The following HSD17B4 variants were observed in gnomAD, a reference collection of about 807,000 sequenced individuals.
The protein encoded by HSD17B4 is hydroxysteroid 17-beta dehydrogenase 4, also known as peroxisomal multifunctional enzyme type 2.
Under a neutral mutation model 101.0 loss-of-function variants are expected in HSD17B4, and 70 were observed. The observed-to-expected ratio is 0.69, with a 90% CI of 0.57 to 0.85. HSD17B4 has a LOEUF of 0.85. Ranked by LOEUF, HSD17B4 falls within the 40% of genes least tolerant of loss-of-function variation. The pLI, the probability that HSD17B4 is intolerant of heterozygous loss-of-function variation, is 0.00. For synonymous variants in HSD17B4, 347 were observed against 297.1 expected, an observed-to-expected ratio of 1.17 and a Z score of -1.73; for missense variants, 984 against 892.4, an observed-to-expected ratio of 1.10 and a Z score of -1.31.
chr5:119,469,302 T>G (rs1430709577), intron 2 of HSD17B4, among the ~76,000 whole-genome samples: 1 of 140,114 alleles, frequency 7.1e-6, no homozygotes, highest in African/African-American at 2.7e-5. Flanking sequence ...TCCATGTTTC[T>G]TTTTTTTTTT....
chr5:119,478,009 T>C (rs140741207), intron 7 of HSD17B4: 126 of 170,428 alleles, frequency 7.4e-4, no homozygotes, highest in Non-Finnish European at 1.4e-3. Context: ...TGCCTTAGTT[T>C]CTGGCATTTT....
intron 1 of HSD17B4, 33 bp from the exon 2 acceptor site, chr5:119,456,282 C>T: frequency 6.5e-7 from 1 of 1,539,980 alleles, no homozygotes; most frequent in African/African-American, 1.4e-5. Context: ...GCTGACATTT[C>T]TTCAACTTTC....
chr5:119,513,320 A>G (rs1258458310), intron 16 of HSD17B4, among the ~76,000 whole-genome samples: 4 of 152,224 alleles, frequency 2.6e-5, no homozygotes, highest in African/African-American at 9.6e-5. Flanking sequence ...GTCTGAGGCT[A>G]TATTAGATGA....
chr5:119,507,159 G>C (rs1751728624), intron 15 of HSD17B4, among the ~76,000 whole-genome samples: 1 of 152,200 alleles, frequency 6.6e-6, no homozygotes, highest in Admixed American at 6.5e-5. Context: ...GGCTTGTATT[G>C]ATAATGTAGA....
intron 2 of HSD17B4, among the ~76,000 whole-genome samples, chr5:119,462,175 C>G (rs1174630419): frequency 6.9e-6 from 1 of 145,726 alleles, no homozygotes; most frequent in South Asian, 2.1e-4. Context: ...CCATTTTTTG[C>G]TACCTATTTG....
intron 9 of HSD17B4, among the ~76,000 whole-genome samples, chr5:119,490,921 A>G (rs1490524029): frequency 1.3e-5 from 2 of 152,168 alleles, no homozygotes; most frequent in East Asian, 3.8e-4. Flanking sequence ...AATGCTGCAG[A>G]TGAAGTTTTG....
intron 2 of HSD17B4, among the ~76,000 whole-genome samples, chr5:119,467,264 T>C (rs924027663): frequency 1.3e-5 from 2 of 152,228 alleles, no homozygotes; most frequent in African/African-American, 4.8e-5. Context: ...TTAACTTCTA[T>C]TAGGACCATT....
At chr5:119,489,013 A>G (rs1749852952) in intron 8 of HSD17B4, among the ~76,000 whole-genome samples, 179 bp from the exon 9 acceptor site, 1 of 152,196 alleles carries the variant, frequency 6.6e-6, no homozygotes, top group Non-Finnish European at 1.5e-5. Context: ...AGAGCCCTTT[A>G]GAAATGGCTC....
chr5:119,536,958 G>C (rs924003398), intron 23 of HSD17B4, among the ~76,000 whole-genome samples: 1 of 152,100 alleles, frequency 6.6e-6, no homozygotes, highest in Non-Finnish European at 1.5e-5. Flanking sequence ...GGAAAATCAT[G>C]ATTAACAGAA....
chr5:119,456,229 T>C, intron 1 of HSD17B4, 86 bp from the exon 2 acceptor site: 1 of 840,666 alleles, frequency 1.2e-6, no homozygotes, highest in Non-Finnish European at 2.1e-6. Flanking sequence ...TGTTCACCAA[T>C]TTCTTTAAAT....
chr5:119,506,262 C>T (rs550393039), intron 14 of HSD17B4, among the ~76,000 whole-genome samples: 44 of 152,210 alleles, frequency 2.9e-4, no homozygotes, highest in Middle Eastern at 3.4e-3. Context: ...TGAGAACGTG[C>T]GTTGTTTGAT....
chr5:119,468,248 C>G (rs1307776394), intron 2 of HSD17B4, among the ~76,000 whole-genome samples: 4 of 152,074 alleles, frequency 2.6e-5, no homozygotes, highest in Admixed American at 6.5e-5. Context: ...GTAGTTCATC[C>G]TTTCACTTTC....
chr5:119,452,521 A>C lies in HSD17B4; in HGVS notation c.-55A>C, dbSNP rs1484826336. The C allele has an allele frequency of 5.0e-6, 8 of 1,613,142 alleles. No individual in the cohort carries two copies. The highest frequency in any genetic ancestry group is 4.5e-5 in the East Asian group (2 of 44,850). ...CATTCCCCGCCTCCTCCTGTCCCGC[A>C]GTCGGCGTCCAGCGGCTCTGCTTGT... On this transcript the variant is annotated 5_prime_UTR_variant, in exon 1 of 24. Coordinates refer to ENST00000510025, the MANE Select transcript of HSD17B4 (RefSeq NM_000414.4).
intron 2 of HSD17B4, chr5:119,471,781 G>T: frequency 1.4e-6 from 1 of 733,288 alleles, no homozygotes; most frequent in Non-Finnish European, 2.2e-6. Flanking sequence ...ATGTTATTTT[G>T]TAAATTTTTT....
chr5:119,486,385 T>C (rs1351852830), intron 8 of HSD17B4, among the ~76,000 whole-genome samples: 1 of 152,126 alleles, frequency 6.6e-6, no homozygotes, highest in African/African-American at 2.4e-5. Context: ...TTTCCATAAC[T>C]TGTGTCTATT....
intron 10 of HSD17B4, 105 bp from the exon 11 acceptor site, chr5:119,493,713 T>G: frequency 9.0e-7 from 1 of 1,108,336 alleles, no homozygotes; most frequent in South Asian, 1.3e-5. Flanking sequence ...AGAATCCCTT[T>G]TTTTCTGAAT....
At chr5:119,518,573 A>G (rs1752850647) in intron 17 of HSD17B4, among the ~76,000 whole-genome samples, 1 of 152,104 alleles carries the variant, frequency 6.6e-6, no homozygotes, top group Admixed American at 6.5e-5. Context: ...GTAAGAGAGG[A>G]GAAGAGCATG....
At chr5:119,539,093 T>G (rs1754764270) in intron 23 of HSD17B4, among the ~76,000 whole-genome samples, 1 of 152,154 alleles carries the variant, frequency 6.6e-6, no homozygotes, top group Admixed American at 6.5e-5. Flanking sequence ...CTATAGTATA[T>G]TTCCATAAAT....
chr5:119,490,261 A>G (rs1749983868), intron 9 of HSD17B4, among the ~76,000 whole-genome samples: 1 of 152,186 alleles, frequency 6.6e-6, no homozygotes, highest in Non-Finnish European at 1.5e-5. Flanking sequence ...GGTAGAAAGA[A>G]CTTTACAACT....
Sources: allele counts gnomAD v4.1 joint callset (sites outside exome capture counted in the v4.1 genomes callset), GRCh38; gene constraint gnomAD v4.1.1; transcripts MANE v1.5; gene names NCBI Gene and HGNC (gene_info 2026-07-23, HGNC 2026-07-21).